Variants in PLXDC2 observed in about 807,000 individuals in gnomAD.
PLXDC2 encodes plexin domain containing 2.
Under a neutral mutation model 68.9 loss-of-function variants are expected in PLXDC2, and 40 were observed. The ratio of observed to expected loss-of-function variants is 0.58; its 90% CI spans 0.45 to 0.76. PLXDC2 has a LOEUF of 0.76. Among genes scored for constraint, PLXDC2 ranks in the 30% least tolerant of loss-of-function variants. PLXDC2 has a pLI of 0.00. For synonymous variants in PLXDC2, 243 were observed against 234.2 expected, an observed-to-expected ratio of 1.04 and a Z score of -0.34; for missense variants, 644 against 661.9, an observed-to-expected ratio of 0.97 and a Z score of 0.30.
chr10:20,281,539 A>G lies in PLXDC2; in HGVS notation c.*1720A>G, dbSNP rs896989644. On this transcript the variant is annotated 3_prime_UTR_variant, in exon 14 of 14. Transcript: ENST00000377252. ...GTCCACTCACAGAGTACCATACTTTATCATCACAAGTGTCTGACGTGAACG... is the reference window on the plus strand; with the variant it reads ...GTCCACTCACAGAGTACCATACTTTGTCATCACAAGTGTCTGACGTGAACG... 6.6e-6 allele frequency: 1 copy of G among 152,152 alleles called. No individual in the cohort carries two copies. Among genetic ancestry groups the G allele is most frequent in the African/African-American group, 2.4e-5 (1 of 41,444 alleles). 9.4% of individuals were successfully genotyped at this position (152,152 alleles called of 1,614,324 possible).
chr10:20,240,492 G>A (rs1171217172), intron 12 of PLXDC2, among the ~76,000 whole-genome samples: 1 of 152,034 alleles, frequency 6.6e-6, no homozygotes, highest in African/African-American at 2.4e-5. Flanking sequence ...TGCAAAATCT[G>A]TACCATTTGA....
chr10:20,156,113 T>A (rs1049219350), intron 6 of PLXDC2, among the ~76,000 whole-genome samples: 8 of 152,100 alleles, frequency 5.3e-5, no homozygotes, highest in African/African-American at 9.7e-5. Context: ...CCCTTGATGT[T>A]TAAGTCCCAA....
intron 1 of PLXDC2, among the ~76,000 whole-genome samples, chr10:19,931,188 T>C (rs1833625770): frequency 6.6e-6 from 1 of 152,220 alleles, no homozygotes; most frequent in South Asian, 2.1e-4. Flanking sequence ...TTTCAAGGCA[T>C]GATCGGTTTT....
intron 6 of PLXDC2, among the ~76,000 whole-genome samples, chr10:20,155,060 G>A (rs1427599664): frequency 6.6e-6 from 1 of 152,118 alleles, no homozygotes; most frequent in Non-Finnish European, 1.5e-5. Flanking sequence ...TTCTATTTAA[G>A]TATTTAAACC....
intron 4 of PLXDC2, among the ~76,000 whole-genome samples, chr10:20,125,942 A>G (rs1589642336): frequency 6.7e-6 from 1 of 148,616 alleles, no homozygotes; most frequent in Non-Finnish European, 1.5e-5. Flanking sequence ...ACATATATAT[A>G]TATATATATA....
intron 1 of PLXDC2, among the ~76,000 whole-genome samples, chr10:19,829,466 T>A (rs1836643567): frequency 6.6e-6 from 1 of 152,154 alleles, no homozygotes. Context: ...AATTTCTAAG[T>A]TACAATTTCT....
At chr10:19,847,789 A>C (rs1032566263) in intron 1 of PLXDC2, among the ~76,000 whole-genome samples, 1 of 152,178 alleles carries the variant, frequency 6.6e-6, no homozygotes, top group Non-Finnish European at 1.5e-5. Context: ...CCACTATCAC[A>C]TAGAGTCTAT....
intron 1 of PLXDC2, among the ~76,000 whole-genome samples, chr10:19,964,283 A>G (rs1834211059): frequency 6.6e-6 from 1 of 152,106 alleles, no homozygotes; most frequent in Non-Finnish European, 1.5e-5. Flanking sequence ...TTACAACTTT[A>G]TCTTTTGTCG....
chr10:20,247,421 G>A (rs1190091329), intron 13 of PLXDC2, among the ~76,000 whole-genome samples: 1 of 151,960 alleles, frequency 6.6e-6, no homozygotes, highest in Non-Finnish European at 1.5e-5. Context: ...AAGCTGCAGG[G>A]AACAGTGACT....
intron 1 of PLXDC2, among the ~76,000 whole-genome samples, chr10:19,912,293 A>G (rs575715719): frequency 1.3e-5 from 2 of 152,194 alleles, no homozygotes; most frequent in Non-Finnish European, 2.9e-5. Flanking sequence ...ATGAATGCAG[A>G]CTTTTATAAG....
At chr10:19,945,671 G>A (rs1014731613) in intron 1 of PLXDC2, among the ~76,000 whole-genome samples, 1 of 152,160 alleles carries the variant, frequency 6.6e-6, no homozygotes, top group African/African-American at 2.4e-5. Flanking sequence ...GGACTCCACA[G>A]TGTTTCCATG....
At chr10:19,997,020 A>C (rs1473720372) in intron 1 of PLXDC2, among the ~76,000 whole-genome samples, 1 of 152,172 alleles carries the variant, frequency 6.6e-6, no homozygotes, top group Non-Finnish European at 1.5e-5. Flanking sequence ...CCATATCAGC[A>C]CCTATGGTGG....
chr10:20,234,663 C>CAT (rs1835409508), intron 12 of PLXDC2, among the ~76,000 whole-genome samples: 1 of 125,422 alleles, frequency 8.0e-6, no homozygotes, highest in Admixed American at 8.3e-5. Flanking sequence ...GGGTTTCTTT[C>CAT]TTTTTTTTTT....
At chr10:19,859,853 T>C (rs1324392281) in intron 1 of PLXDC2, among the ~76,000 whole-genome samples, 1 of 152,130 alleles carries the variant, frequency 6.6e-6, no homozygotes, top group African/African-American at 2.4e-5. Flanking sequence ...TGCCTCAGTC[T>C]CCCAAGTAGC....
rs71390761 is a variant in PLXDC2, at chr10:20,146,310, A to ATT, written c.665-1467_665-1466dup. ...CCTGGCTACTGTCTTCTTTTGCTCT[A>ATT]TTTTTTTTGTTTTCTCTTCTTTTCT... On this transcript the variant is annotated intron_variant, in intron 5 of 13. Transcript: ENST00000377252. 3.5e-3 allele frequency among the ~76,000 whole-genome samples: 528 copies of ATT among 151,546 alleles called. 2 individuals are homozygous for ATT. The highest frequency in any genetic ancestry group is 9.7e-3 in the East Asian group (50 of 5,146).
intron 10 of PLXDC2, among the ~76,000 whole-genome samples, chr10:20,216,115 A>T (rs547034747): frequency 1.6e-4 from 24 of 152,230 alleles, no homozygotes; most frequent in South Asian, 1.0e-3. Flanking sequence ...ACTAAAAAAA[A>T]AAAAAAATAA....
chr10:19,878,739 A>T lies in PLXDC2; in HGVS notation c.112+61548A>T, dbSNP rs567933832. The stretch of plus-strand genomic sequence containing the variant: ...AACTTAATTTGTTTTTATTGCCAAA[A>T]TAAATCATTTTGTGTCTTTTTTCCA... On this transcript the variant is annotated intron_variant, in intron 1 of 13. Transcript: ENST00000377252. Among the ~76,000 whole-genome samples, 3 of 152,336 alleles carry T rather than the reference A, an allele frequency of 2.0e-5. No homozygotes were observed. The East Asian group carries it at 5.8e-4, about 29-fold the overall frequency.
chr10:20,107,506 T>C (rs1036368776), intron 4 of PLXDC2, among the ~76,000 whole-genome samples: 1 of 152,224 alleles, frequency 6.6e-6, no homozygotes, highest in Non-Finnish European at 1.5e-5. Flanking sequence ...AGGCAACACC[T>C]AAAGTTCTTT....
chr10:20,085,787 A>C (rs1316408504), intron 4 of PLXDC2, among the ~76,000 whole-genome samples: 2 of 152,162 alleles, frequency 1.3e-5, no homozygotes, highest in African/African-American at 2.4e-5. Flanking sequence ...ACTCCTACAG[A>C]AACAAAATGC....
Sources: gnomAD v4.1 joint callset for allele counts (sites outside exome capture counted in the v4.1 genomes callset) on GRCh38, gnomAD v4.1.1 for gene constraint, MANE v1.5 for transcripts, NCBI Gene and HGNC (gene_info 2026-07-23, HGNC 2026-07-21) for gene names.